Variants in CFAP299 observed in about 807,000 individuals in gnomAD.
The protein encoded by CFAP299 is cilia- and flagella-associated protein 299.
In CFAP299, 21 loss-of-function variants were observed where a neutral mutation model predicts 27.0. The ratio of observed to expected loss-of-function variants is 0.78; its 90% CI spans 0.55 to 1.12. The LOEUF is 1.12. CFAP299 is among the 50% of genes most tolerant of loss of function. The pLI, the probability that CFAP299 is intolerant of heterozygous loss-of-function variation, is 0.00. For missense variants in CFAP299, 310 were observed against 276.6 expected, an observed-to-expected ratio of 1.12 and a Z score of -0.86; for synonymous variants, 104 against 98.1, an observed-to-expected ratio of 1.06 and a Z score of -0.36.
chr4:80,470,587 G>T (rs954136616), intron 2 of CFAP299, among the ~76,000 whole-genome samples: 1 of 151,942 alleles, frequency 6.6e-6, no homozygotes, highest in Non-Finnish European at 1.5e-5. Flanking sequence ...TATTTTCTTC[G>T]ACTTCAATTG....
intron 2 of CFAP299, among the ~76,000 whole-genome samples, chr4:80,495,581 A>AGCTTGAGG (rs1176826737): frequency 6.6e-6 from 1 of 152,238 alleles, no homozygotes; most frequent in East Asian, 1.9e-4. Flanking sequence ...GCAGGAAAAC[A>AGCTTGAGG]GCTTGAGGCC....
chr4:80,369,584 T>C (rs1016041529), intron 2 of CFAP299, among the ~76,000 whole-genome samples: 1 of 152,242 alleles, frequency 6.6e-6, no homozygotes, highest in African/African-American at 2.4e-5. Context: ...GTTAGCCATG[T>C]ATTCTTCCCT....
At chr4:80,811,160 T>A (rs1415341512) in intron 3 of CFAP299, among the ~76,000 whole-genome samples, 1 of 152,130 alleles carries the variant, frequency 6.6e-6, no homozygotes, top group Non-Finnish European at 1.5e-5. Context: ...TACCAAGATA[T>A]GTCTAATATT....
intron 1 of CFAP299, among the ~76,000 whole-genome samples, chr4:80,337,531 G>T (rs1044389507): frequency 6.6e-6 from 1 of 151,846 alleles, no homozygotes; most frequent in Non-Finnish European, 1.5e-5. Context: ...CCAAGTTTCT[G>T]GGATTACAGG....
At chr4:80,620,600 A>G (rs1738538247) in intron 3 of CFAP299, among the ~76,000 whole-genome samples, 1 of 152,120 alleles carries the variant, frequency 6.6e-6, no homozygotes, top group African/African-American at 2.4e-5. Context: ...TGCCATACTG[A>G]TAAATCCAGA....
intron 2 of CFAP299, among the ~76,000 whole-genome samples, chr4:80,393,448 G>A (rs977824363): frequency 6.6e-6 from 1 of 152,118 alleles, no homozygotes; most frequent in Non-Finnish European, 1.5e-5. Context: ...CTGACTCACT[G>A]ACTCACTGAC....
intron 3 of CFAP299, among the ~76,000 whole-genome samples, chr4:80,609,883 A>G (rs1737877755): frequency 6.6e-6 from 1 of 152,030 alleles, no homozygotes; most frequent in African/African-American, 2.4e-5. Context: ...TCTATAAATG[A>G]CCCTCAAAAT....
intron 2 of CFAP299, among the ~76,000 whole-genome samples, chr4:80,428,724 G>T (rs1445068980): frequency 6.7e-6 from 1 of 149,618 alleles, no homozygotes; most frequent in African/African-American, 2.5e-5. Context: ...ATTTTTAGTA[G>T]AGATGGGGGT....
Position 80,695,888 on chromosome 4 carries a change from A to C in CFAP299, c.333+112705A>C, listed in dbSNP as rs183596734. ...GCCCAGGCTTGTCTCAAACTCAATC[A>C]ATCTGCTTACCTTGGCTTCCCAAAG... On this transcript the variant is annotated intron_variant, in intron 3 of 5. Coordinates refer to ENST00000358105, the MANE Select transcript of CFAP299 (RefSeq NM_152770.3). Among the ~76,000 whole-genome samples, 378 of 152,084 alleles carry C rather than the reference A, an allele frequency of 2.5e-3. 1 individual carries two copies. Among genetic ancestry groups the C allele is most frequent in the African/African-American group, 8.7e-3 (359 of 41,498 alleles).
intron 2 of CFAP299, among the ~76,000 whole-genome samples, chr4:80,443,381 C>T (rs188047821): frequency 1.3e-5 from 2 of 152,300 alleles, no homozygotes; most frequent in East Asian, 3.9e-4. Flanking sequence ...TCAACATGCA[C>T]AAGTCAATAA....
intron 2 of CFAP299, among the ~76,000 whole-genome samples, chr4:80,418,356 A>T (rs1727120873): frequency 6.6e-6 from 1 of 152,210 alleles, no homozygotes; most frequent in Non-Finnish European, 1.5e-5. Flanking sequence ...TTTTAAAAAA[A>T]AGTGTTATAC....
intron 2 of CFAP299, among the ~76,000 whole-genome samples, chr4:80,510,697 C>A (rs1283426108): frequency 6.6e-6 from 1 of 152,118 alleles, no homozygotes; most frequent in East Asian, 1.9e-4. Context: ...CCAATATATG[C>A]CCTTTCCAAG....
intron 2 of CFAP299, among the ~76,000 whole-genome samples, chr4:80,370,710 G>A (rs1185289267): frequency 1.3e-5 from 2 of 152,242 alleles, no homozygotes; most frequent in Non-Finnish European, 1.5e-5. Flanking sequence ...GCATGCTGAT[G>A]CAAGGGGGGC....
chr4:80,920,502 G>T (rs1735991414), intron 4 of CFAP299, among the ~76,000 whole-genome samples: 1 of 151,990 alleles, frequency 6.6e-6, no homozygotes, highest in South Asian at 2.1e-4. Flanking sequence ...AAGGCACATG[G>T]GTGCTCTTTC....
At chr4:80,418,838 A>T (rs1727148199) in intron 2 of CFAP299, among the ~76,000 whole-genome samples, 1 of 152,186 alleles carries the variant, frequency 6.6e-6, no homozygotes, top group Non-Finnish European at 1.5e-5. Context: ...TCTCTTTTTA[A>T]GGCTGAATAG....
At chr4:80,647,926 A>T (rs952215724) in intron 3 of CFAP299, among the ~76,000 whole-genome samples, 4 of 152,068 alleles carry the variant, frequency 2.6e-5, no homozygotes, top group Admixed American at 1.3e-4. Context: ...GCATGGCAGC[A>T]CACACCTGCA....
At chr4:80,495,376 A>G (rs1050366964) in intron 2 of CFAP299, among the ~76,000 whole-genome samples, 1 of 152,242 alleles carries the variant, frequency 6.6e-6, no homozygotes, top group African/African-American at 2.4e-5. Flanking sequence ...TTAGCAGCCA[A>G]TTCTTGGTTA....
At chr4:80,917,025 G>A (rs1479041355) in intron 4 of CFAP299, among the ~76,000 whole-genome samples, 1 of 152,056 alleles carries the variant, frequency 6.6e-6, no homozygotes, top group African/African-American at 2.4e-5. Flanking sequence ...TTGGAAGGAA[G>A]AAATTATTTG....
chr4:80,596,066 C>A (rs1737043307), intron 3 of CFAP299, among the ~76,000 whole-genome samples: 1 of 151,676 alleles, frequency 6.6e-6, no homozygotes, highest in Non-Finnish European at 1.5e-5. Flanking sequence ...TTTTGGAGTC[C>A]AAAGAGGGAA....
Sources: gnomAD v4.1 joint callset for allele counts (sites outside exome capture counted in the v4.1 genomes callset) on GRCh38, gnomAD v4.1.1 for gene constraint, MANE v1.5 for transcripts, NCBI Gene and HGNC (gene_info 2026-07-23, HGNC 2026-07-21) for gene names.